NT5C2: variants seen among roughly 807,000 people sequenced by gnomAD.
NT5C2 encodes 5'-nucleotidase, cytosolic II.
In NT5C2, 58 loss-of-function variants were observed where a neutral mutation model predicts 76.1. The observed-to-expected ratio is 0.76, with a 90% CI of 0.62 to 0.95. NT5C2 has a LOEUF of 0.95. Among genes scored for constraint, NT5C2 ranks in the 40% least tolerant of loss-of-function variants. NT5C2 has a pLI of 0.00. For synonymous variants in NT5C2, 229 were observed against 237.4 expected, an observed-to-expected ratio of 0.96 and a Z score of 0.32; for missense variants, 478 against 690.3, an observed-to-expected ratio of 0.69 and a Z score of 3.45.
chr10:103,140,807 A>G (rs1438353769), intron 3 of NT5C2, among the ~76,000 whole-genome samples: 3 of 152,148 alleles, frequency 2.0e-5, no homozygotes, highest in Non-Finnish European at 2.9e-5. Context: ...CTTTTCAAAT[A>G]CCTGTTAGCC....
chr10:103,184,477 A>T (rs1216158864), intron 1 of NT5C2, among the ~76,000 whole-genome samples: 1 of 152,160 alleles, frequency 6.6e-6, no homozygotes, highest in African/African-American at 2.4e-5. Flanking sequence ...CATAACCCTT[A>T]CATTTGACAG....
At chr10:103,109,429 G>C (rs1281667562) in intron 4 of NT5C2, among the ~76,000 whole-genome samples, 1 of 152,046 alleles carries the variant, frequency 6.6e-6, no homozygotes, top group Non-Finnish European at 1.5e-5. Context: ...TCCCACCCCA[G>C]TTGCAAGTAA....
intron 4 of NT5C2, among the ~76,000 whole-genome samples, chr10:103,117,444 C>T (rs1198642450): frequency 1.3e-5 from 2 of 152,132 alleles, no homozygotes; most frequent in Non-Finnish European, 2.9e-5. Context: ...CCCAGCAGTT[C>T]AAGATCCAAC....
At chr10:103,185,377 G>C (rs1283559018) in intron 1 of NT5C2, among the ~76,000 whole-genome samples, 1 of 151,792 alleles carries the variant, frequency 6.6e-6, no homozygotes, top group African/African-American at 2.4e-5. Flanking sequence ...AAGGTGCAGT[G>C]GCTCACACCT....
chr10:103,164,308 A>C (rs1168425278), intron 3 of NT5C2, among the ~76,000 whole-genome samples: 5 of 151,904 alleles, frequency 3.3e-5, no homozygotes, highest in Non-Finnish European at 5.9e-5. Flanking sequence ...GCCAGGCTGG[A>C]GTGCACTGGC....
intron 3 of NT5C2, among the ~76,000 whole-genome samples, chr10:103,172,538 T>C (rs1299374978): frequency 6.6e-6 from 1 of 152,030 alleles, no homozygotes. Flanking sequence ...AAAAATTTTA[T>C]TTAAAAATAT....
At chr10:103,094,238 A>G (rs1200157156) in intron 13 of NT5C2, 110 bp downstream of exon 13, 3 of 770,020 alleles carry the variant, frequency 3.9e-6, no homozygotes, top group Middle Eastern at 2.3e-4. Flanking sequence ...AAAGAGAGAT[A>G]CGGCTAATTA....
In NT5C2 at chr10:103,088,128, G is replaced by T. The variant is rs143048391; in HGVS notation, c.*1544C>A. The stretch of plus-strand genomic sequence containing the variant: ...TTGAAGACCAATAGCTATTACAGTT[G>T]TACTACAGAATAGGTCAAAGTCACC... On this transcript the variant is annotated 3_prime_UTR_variant, in exon 19 of 19. Coordinates refer to ENST00000404739, the MANE Select transcript of NT5C2 (RefSeq NM_001351169.2). 3.0e-3 allele frequency: 461 copies of T among 152,264 alleles called. 3 individuals are homozygous for T. The highest frequency in any genetic ancestry group is 0.011 in the African/African-American group (443 of 41,560). 9.4% of individuals were successfully genotyped at this position (152,264 alleles called of 1,614,324 possible). A position where few individuals can be genotyped will look rare whatever the true frequency, so the allele number is the denominator to read the frequency against.
At chr10:103,118,545 G>A (rs554042736) in intron 4 of NT5C2, among the ~76,000 whole-genome samples, 31 of 151,890 alleles carry the variant, frequency 2.0e-4, no homozygotes, top group African/African-American at 7.0e-4. Flanking sequence ...GTAGAGATGC[G>A]GTTTTGTTAT....
chr10:103,096,264 G>A (rs1276838561), intron 11 of NT5C2, among the ~76,000 whole-genome samples: 1 of 152,196 alleles, frequency 6.6e-6, no homozygotes, highest in Non-Finnish European at 1.5e-5. Flanking sequence ...ATATGAGGTA[G>A]GGGTATAGAG....
chr10:103,111,784 TGAA>T, intron 4 of NT5C2: 1 of 1,231,996 alleles, frequency 8.1e-7, no homozygotes, highest in Non-Finnish European at 1.0e-6. Context: ...ACTCCAGTCT[TGAA>T]GGAGTTACAC....
chr10:103,132,221 C>T lies in NT5C2; in HGVS notation c.175+7185G>A, dbSNP rs545180562. 2.2e-4 allele frequency among the ~76,000 whole-genome samples: 31 copies of T among 140,268 alleles called. 1 individual carries two copies. The South Asian group carries it at 6.7e-3, about 30-fold the overall frequency. The allele number at this position is 140,268 out of a possible 152,430, so 92.0% of individuals were successfully genotyped here. ...CACTATTGCACTCCAGCCTGGGTAA[C>T]AAGAGCAAAACTTCATCTCGAAAAA... On this transcript the variant is annotated intron_variant, in intron 4 of 18. Coordinates refer to ENST00000404739, the MANE Select transcript of NT5C2 (RefSeq NM_001351169.2).
At chr10:103,137,319 A>T (rs1276666509) in intron 4 of NT5C2, among the ~76,000 whole-genome samples, 1 of 152,246 alleles carries the variant, frequency 6.6e-6, no homozygotes, top group African/African-American at 2.4e-5. Context: ...GTGACCAATT[A>T]GAAAAACATT....
chr10:103,095,665 A>G (rs1236398966), intron 12 of NT5C2, among the ~76,000 whole-genome samples: 1 of 152,206 alleles, frequency 6.6e-6, no homozygotes, highest in African/African-American at 2.4e-5. Flanking sequence ...TTGGGCATAA[A>G]ATTATTCTGA....
intron 3 of NT5C2, among the ~76,000 whole-genome samples, chr10:103,171,887 C>A (rs1381884972): frequency 6.6e-6 from 1 of 151,922 alleles, no homozygotes; most frequent in Non-Finnish European, 1.5e-5. Flanking sequence ...AGCAAGACCC[C>A]GTCTCTAATA....
In NT5C2 at chr10:103,094,331, T is replaced by C; in HGVS notation, c.921+17A>G. The C allele has an allele frequency of 6.9e-7, 1 of 1,441,432 alleles. No homozygotes were observed. The highest frequency in any genetic ancestry group is 9.8e-7 in the Non-Finnish European group (1 of 1,022,612). 89.3% of individuals were successfully genotyped at this position (1,441,432 alleles called of 1,614,324 possible). On this transcript the variant is annotated intron_variant, in intron 13 of 18. Coordinates refer to ENST00000404739, the MANE Select transcript of NT5C2 (RefSeq NM_001351169.2). ...AAGGACAATGTGCTAGCAAGACAGATCATTCTCATGACTTACAGTATCCAC... is the reference window on the plus strand; with the variant it reads ...AAGGACAATGTGCTAGCAAGACAGACCATTCTCATGACTTACAGTATCCAC...
intron 2 of NT5C2, chr10:103,175,736 GC>G: frequency 3.7e-6 from 1 of 270,722 alleles, no homozygotes; most frequent in Middle Eastern, 5.0e-4. Context: ...GGGGCCACTG[GC>G]GATGCCATTG....
At chr10:103,110,552 T>A (rs1206326980) in intron 4 of NT5C2, among the ~76,000 whole-genome samples, 1 of 152,208 alleles carries the variant, frequency 6.6e-6, no homozygotes, top group African/African-American at 2.4e-5. Context: ...AAACTTAAGC[T>A]TGGGTGTTGA....
At chr10:103,104,914 G>A (rs1441622267) in intron 6 of NT5C2, among the ~76,000 whole-genome samples, 1 of 152,146 alleles carries the variant, frequency 6.6e-6, no homozygotes, top group Non-Finnish European at 1.5e-5. Flanking sequence ...TCCTATTCTG[G>A]TTTTACGAGC....
Sources: gnomAD v4.1 joint callset for allele counts (sites outside exome capture counted in the v4.1 genomes callset) on GRCh38, gnomAD v4.1.1 for gene constraint, MANE v1.5 for transcripts, NCBI Gene and HGNC (gene_info 2026-07-23, HGNC 2026-07-21) for gene names.